ACYP2: variants seen among roughly 807,000 people sequenced by gnomAD.
ACYP2 encodes acylphosphatase 2, also known as acylphosphatase-2.
Under a neutral mutation model 11.2 loss-of-function variants are expected in ACYP2, and 12 were observed. The observed-to-expected ratio is 1.08, with a 90% CI of 0.69 to 1.74. ACYP2 has a LOEUF of 1.74. Ranked by LOEUF, ACYP2 falls within the 40% of genes most tolerant of loss-of-function variation. ACYP2 has a pLI of 0.00. For synonymous variants in ACYP2, 43 were observed against 32.2 expected, an observed-to-expected ratio of 1.33 and a Z score of -1.13; for missense variants, 134 against 101.9, an observed-to-expected ratio of 1.31 and a Z score of -1.35.
intron 4 of ACYP2, among the ~76,000 whole-genome samples, chr2:54,059,982 A>T (rs941608759): frequency 6.6e-6 from 1 of 152,188 alleles, no homozygotes; most frequent in Non-Finnish European, 1.5e-5. Context: ...TCCTCTAGCA[A>T]TTCCAAGTTT....
At chr2:54,176,329 A>G (rs1443354793) in intron 6 of ACYP2, among the ~76,000 whole-genome samples, 1 of 152,176 alleles carries the variant, frequency 6.6e-6, no homozygotes, top group African/African-American at 2.4e-5. Flanking sequence ...GAATGTGAAG[A>G]CAGGAATTGG....
Position 54,205,921 on chromosome 2 carries a change from A to C in ACYP2, c.404+67173A>C, listed in dbSNP as rs141030903. Among the ~76,000 whole-genome samples, 629 of 152,210 alleles carry C rather than the reference A, an allele frequency of 4.1e-3. 2 individuals are homozygous for C. The highest frequency in any genetic ancestry group is 6.8e-3 in the Non-Finnish European group (463 of 68,020). On this transcript the variant is annotated intron_variant, in intron 6 of 6. Transcript: ENST00000607452. ...TATGAATAATGTACTTATCAAACATAAATTCCTTTTTTGAGTGTATATATT... is the reference window on the plus strand; with the variant it reads ...TATGAATAATGTACTTATCAAACATCAATTCCTTTTTTGAGTGTATATATT...
At chr2:54,146,194 T>G (rs190470585) in intron 6 of ACYP2, among the ~76,000 whole-genome samples, 2 of 152,322 alleles carry the variant, frequency 1.3e-5, no homozygotes, top group East Asian at 3.9e-4. Context: ...CTTACAGTGT[T>G]GCTGTTGAGA....
At chr2:54,237,151 T>G (rs1203624410) in intron 6 of ACYP2, among the ~76,000 whole-genome samples, 1 of 152,224 alleles carries the variant, frequency 6.6e-6, no homozygotes, top group Non-Finnish European at 1.5e-5. Flanking sequence ...TATTCTGTCT[T>G]ATGTCAGGGA....
chr2:53,993,951 C>T (rs1032911340), intron 2 of ACYP2, among the ~76,000 whole-genome samples: 4 of 151,914 alleles, frequency 2.6e-5, no homozygotes. Context: ...TTTGGGAGGC[C>T]GAGGAGGGTG....
At chr2:54,088,478 C>T (rs1347531125) in intron 4 of ACYP2, among the ~76,000 whole-genome samples, 1 of 152,166 alleles carries the variant, frequency 6.6e-6, no homozygotes. Context: ...GGCCTGCGAG[C>T]ACAAAGCCTC....
chr2:54,124,954 A>G (rs1160886964), intron 4 of ACYP2, among the ~76,000 whole-genome samples: 2 of 152,046 alleles, frequency 1.3e-5, no homozygotes, highest in Non-Finnish European at 1.5e-5. Flanking sequence ...GGGTTTCACC[A>G]TGTTGCCCAG....
chr2:54,304,176 TC>T (rs1182616467), intron 6 of ACYP2, among the ~76,000 whole-genome samples: 1 of 152,012 alleles, frequency 6.6e-6, no homozygotes, highest in Non-Finnish European at 1.5e-5. Flanking sequence ...TTATGTTTCT[TC>T]TTTATTCTTT....
chr2:54,090,261 C>A (rs1678155252), intron 4 of ACYP2, among the ~76,000 whole-genome samples: 2 of 152,128 alleles, frequency 1.3e-5, no homozygotes, highest in African/African-American at 4.8e-5. Flanking sequence ...TCTCACCCTG[C>A]CTTGCCCCTT....
intron 6 of ACYP2, among the ~76,000 whole-genome samples, chr2:54,259,253 C>T (rs1438098633): frequency 6.6e-6 from 1 of 152,160 alleles, no homozygotes; most frequent in Admixed American, 6.5e-5. Context: ...GATTATTGGA[C>T]ACCAGAGTTG....
Position 54,094,778 on chromosome 2 carries a change from T to C in ACYP2, c.277+37418T>C, listed in dbSNP as rs372943100. 2.9e-3 allele frequency among the ~76,000 whole-genome samples: 438 copies of C among 152,118 alleles called. 1 individual carries two copies. The highest frequency in any genetic ancestry group is 8.1e-3 in the South Asian group (39 of 4,816). ...GTCTCAAACTTCTGGCCTCAAGTGA[T>C]CCGCCCACCTCAGTCTCCCAAAATG... On this transcript the variant is annotated intron_variant, in intron 4 of 6. Coordinates refer to ENST00000607452, the MANE Select transcript of ACYP2 (RefSeq NM_001320586.2).
intron 4 of ACYP2, among the ~76,000 whole-genome samples, chr2:54,131,147 A>G (rs1268366082): frequency 6.6e-6 from 1 of 152,266 alleles, no homozygotes; most frequent in South Asian, 2.1e-4. Context: ...TGTTAAGTCA[A>G]TAATCAATGT....
intron 2 of ACYP2, among the ~76,000 whole-genome samples, chr2:53,977,331 C>T (rs1216607809): frequency 6.6e-6 from 1 of 152,084 alleles, no homozygotes; most frequent in African/African-American, 2.4e-5. Flanking sequence ...AGGCGTGAGC[C>T]GCCGCGCCTG....
At chr2:54,086,893 A>T (rs751048596) in intron 4 of ACYP2, among the ~76,000 whole-genome samples, 27 of 152,260 alleles carry the variant, frequency 1.8e-4, no homozygotes, top group Non-Finnish European at 3.2e-4. Flanking sequence ...GAAGTCCCAC[A>T]AAAAGGAAAC....
chr2:54,177,102 G>A (rs1409867149), intron 6 of ACYP2, among the ~76,000 whole-genome samples: 1 of 152,120 alleles, frequency 6.6e-6, no homozygotes, highest in Non-Finnish European at 1.5e-5. Flanking sequence ...ATATTTTGCT[G>A]GGTAGTCTCC....
chr2:54,091,420 A>G (rs748874795), intron 4 of ACYP2, among the ~76,000 whole-genome samples: 1 of 152,072 alleles, frequency 6.6e-6, no homozygotes, highest in African/African-American at 2.4e-5. Context: ...TTTTTCTTTA[A>G]TGGCCTCTGC....
intron 4 of ACYP2, among the ~76,000 whole-genome samples, chr2:54,059,973 C>A (rs1055472758): frequency 6.6e-6 from 1 of 152,216 alleles, no homozygotes; most frequent in African/African-American, 2.4e-5. Flanking sequence ...CATCCCCAGT[C>A]CTCTAGCAAT....
At chr2:54,111,364 C>T (rs948203111) in intron 4 of ACYP2, among the ~76,000 whole-genome samples, 13 of 151,736 alleles carry the variant, frequency 8.6e-5, no homozygotes, top group South Asian at 2.1e-4. Context: ...AAGGCAAGGG[C>T]GGGGGGGACC....
At chr2:54,043,611 T>C (rs182256400) in intron 2 of ACYP2, among the ~76,000 whole-genome samples, 8 of 152,326 alleles carry the variant, frequency 5.3e-5, no homozygotes, top group African/African-American at 1.9e-4. Context: ...TTTTTTCCTG[T>C]GTGGAATTAG....
Sources: allele counts gnomAD v4.1 joint callset (sites outside exome capture counted in the v4.1 genomes callset), GRCh38; gene constraint gnomAD v4.1.1; transcripts MANE v1.5; gene names NCBI Gene and HGNC (gene_info 2026-07-23, HGNC 2026-07-21).